ITIH6: variants seen among roughly 807,000 people sequenced by gnomAD.
The protein encoded by ITIH6 is inter-alpha-trypsin inhibitor heavy chain H6.
ITIH6 carries 60 observed loss-of-function variants against 58.2 expected under a neutral mutation model. That is an observed-to-expected ratio of 1.03 (90% CI 0.84 to 1.28). The LOEUF (loss-of-function observed/expected upper bound fraction) is 1.28. ITIH6 is among the 50% of genes most tolerant of loss of function. ITIH6 has a pLI of 0.00. For synonymous variants in ITIH6, 493 were observed against 417.4 expected (o/e 1.18, Z -2.21); for missense variants, 1,290 against 1,021.1 (o/e 1.26, Z -3.59).
intron 6 of ITIH6, among the ~76,000 whole-genome samples, chrX:54,767,389 C>G (rs1928818785): frequency 9.4e-6 from 1 of 106,623 alleles, no homozygotes; most frequent in Non-Finnish European, 1.9e-5. Flanking sequence ...TCTCTATTTC[C>G]TTCAGTTCTG....
At position 54,750,061 on chromosome X, in the gene ITIH6, C is replaced by T. The variant is rs769007442; in HGVS notation, c.3776G>A (p.Gly1259Glu). The change falls in exon 13 of 13, where the codon GGG (glycine) becomes GAG (glutamate). Residue 1259 changes from glycine (G) to glutamate (E), a missense_variant. Gly to Glu is a moderately conservative substitution (Grantham distance 98). Transcript: ENST00000218436. ...GCCATGGTGCCTTCGTAAGCATGGC[C>T]CCATAGGTCCTGTCACCAGTCGGAT... ...ADIRLVTGPM[G>E]PCLRRHHGPD... 5.8e-6 allele frequency: 7 copies of T among 1,210,627 alleles called. No homozygotes were observed. The highest frequency in any genetic ancestry group is 1.8e-5 in the South Asian group (1 of 56,831).
chrX:54,796,131 C>T (rs974854874), intron 2 of ITIH6, among the ~76,000 whole-genome samples: 35 of 111,560 alleles, frequency 3.1e-4, no homozygotes, highest in African/African-American at 1.1e-3. Flanking sequence ...TCATGAAGCT[C>T]TGGGATTACA....
At chrX:54,770,121 G>A (rs1251517510) in intron 6 of ITIH6, among the ~76,000 whole-genome samples, 2 of 112,357 alleles carry the variant, frequency 1.8e-5, no homozygotes, top group Non-Finnish European at 3.8e-5. Flanking sequence ...CGCAATATTC[G>A]GGTGGGAGTG....
intron 5 of ITIH6, among the ~76,000 whole-genome samples, chrX:54,776,845 C>T (rs1929062463): frequency 8.9e-6 from 1 of 111,900 alleles, no homozygotes; most frequent in Non-Finnish European, 1.9e-5. Flanking sequence ...GACTTGCTGG[C>T]TTTAGGTGAT....
intron 6 of ITIH6, among the ~76,000 whole-genome samples, chrX:54,770,993 T>G (rs1345121424): frequency 8.9e-6 from 1 of 111,758 alleles, no homozygotes; most frequent in Non-Finnish European, 1.9e-5. Flanking sequence ...GGCTGGTGGG[T>G]TTTTTCCTTT....
In ITIH6 at chrX:54,758,836, T is replaced by C; in HGVS notation, c.1238A>G (p.Asn413Ser). The change falls in exon 8 of 13, where the codon AAT (asparagine) becomes AGT (serine). Residue 413 changes from asparagine to serine, a missense_variant. By Grantham distance (46) the Asn-to-Ser change is conservative. Transcript: ENST00000218436. ...CCTGTGGCCTAGCGCCTGACGGACA[T>C]TGGAGAGGATCACACTGGGGGTCGT... ...GVTTPSVILS[N>S]VRQALGHRVS... 3.3e-6 allele frequency: 4 copies of C among 1,211,427 alleles called. No individual in the cohort carries two copies. Among genetic ancestry groups the C allele is most frequent in the Non-Finnish European group, 4.5e-6 (4 of 895,360 alleles).
chrX:54,774,050 G>C (rs772181872), intron 6 of ITIH6, 31 bp downstream of exon 6: 1 of 911,637 alleles, frequency 1.1e-6, no homozygotes, highest in Admixed American at 2.6e-5. Flanking sequence ...CTGATACTAG[G>C]ACTAAGAAAG....
At position 54,798,211 on chromosome X, in the gene ITIH6, G is replaced by A; in HGVS notation, c.-1C>T. On this transcript the variant is annotated 5_prime_UTR_variant, in exon 1 of 13. Coordinates refer to ENST00000218436, the MANE Select transcript of ITIH6 (RefSeq NM_198510.3). ...AGATGAGGTACCTCCACCCAGACAT[G>A]ATGCCACCTCTGGCCTGGATCTGTT... is the stretch of plus-strand genomic sequence containing the variant. The A allele has an allele frequency of 8.7e-7, 1 of 1,145,576 alleles. No individual in the cohort carries two copies. The highest frequency in any genetic ancestry group is 1.9e-5 in the South Asian group (1 of 51,678). 94.4% of individuals were successfully genotyped at this position (1,145,576 alleles called of 1,213,427 possible). A position where few individuals can be genotyped will look rare whatever the true frequency, so the allele number is the denominator to read the frequency against.
intron 11 of ITIH6, among the ~76,000 whole-genome samples, chrX:54,752,299 C>T (rs1887710381): frequency 8.9e-6 from 1 of 111,903 alleles, no homozygotes; most frequent in Admixed American, 9.5e-5. Flanking sequence ...AAAAGAGCCC[C>T]TATCAGAGCA....
intron 5 of ITIH6, 58 bp downstream of exon 5, chrX:54,788,422 G>A: frequency 1.9e-6 from 2 of 1,050,520 alleles, no homozygotes; most frequent in South Asian, 2.0e-5. Context: ...GAGGCCTAAT[G>A]CTCAGGCCTG....
Position 54,749,642 on chromosome X carries a change from G to T in ITIH6, c.*253C>A. 1 of 330,094 alleles carries T rather than the reference G, an allele frequency of 3.0e-6. No homozygotes were observed. The allele number at this position is 330,094 out of a possible 1,213,427, so 27.2% of individuals were successfully genotyped here. On this transcript the variant is annotated 3_prime_UTR_variant, in exon 13 of 13. Transcript: ENST00000218436. ...TTTACAAAAGTGGCTTGTAGGGCTG[G>T]TGAGGAGCATGGATTTGGAGAGGGT...
chrX:54,757,317 G>T lies in ITIH6; in HGVS notation c.2757C>A (p.Thr919=), dbSNP rs767051613. ...GGAGGGGTTCTCCAAGGACAGAGGT[G>T]GTTGTGGTACTGCTGGGACCTGTGG... ...SSSTGPSSTT[T]TSVLGEPLPM... Residue 919 remains threonine, a synonymous_variant, in exon 8 of 13, where the codon ACC becomes ACA. Transcript: ENST00000218436. 5.9e-6 allele frequency: 7 copies of T among 1,196,386 alleles called. No individual in the cohort carries two copies. The highest frequency in any genetic ancestry group is 1.8e-5 in the South Asian group (1 of 54,527).
At chrX:54,784,820 C>A (rs1189872080) in intron 5 of ITIH6, among the ~76,000 whole-genome samples, 1 of 111,672 alleles carries the variant, frequency 9.0e-6, no homozygotes, top group Non-Finnish European at 1.9e-5. Flanking sequence ...CTTCATCATA[C>A]AATCCGGCCA....
chrX:54,758,689 A>C lies in ITIH6; in HGVS notation c.1385T>G (p.Leu462Arg), dbSNP rs369932517. The C allele has an allele frequency of 1.5e-5, 18 of 1,210,064 alleles. No individual in the cohort carries two copies. In the African/African-American group the frequency reaches 3.0e-4, roughly 20 times the overall value. ...IYEDTDAALQ[L>R]KGLYEEISMP... is the part of the protein sequence containing the mutation. ...GGAGATCTCCTCATAGAGGCCCTTC[A>C]GCTGTAGGGCCGCATCAGTGTCCTC... Residue 462 changes from leucine (L) to arginine (R), a missense_variant, in exon 8 of 13, where the codon CTG (leucine) becomes CGG (arginine). Coordinates refer to ENST00000218436, the MANE Select transcript of ITIH6 (RefSeq NM_198510.3).
chrX:54,750,423 T>A (rs914173942), intron 12 of ITIH6, among the ~76,000 whole-genome samples: 1 of 110,956 alleles, frequency 9.0e-6, no homozygotes, highest in East Asian at 2.9e-4. Flanking sequence ...AAAATATCTG[T>A]TTAACCCACT....
chrX:54,794,213 G>A (rs749469912), intron 2 of ITIH6, among the ~76,000 whole-genome samples: 544 of 110,647 alleles, frequency 4.9e-3, no homozygotes, highest in Admixed American at 0.011. Context: ...GGGTAGGGTG[G>A]AGCTGGTCTG....
intron 2 of ITIH6, among the ~76,000 whole-genome samples, chrX:54,796,717 A>G (rs939921063): frequency 9.0e-6 from 1 of 110,842 alleles, no homozygotes; most frequent in East Asian, 2.8e-4. Context: ...AAAAAAAGAA[A>G]GTGGGTTCTA....
At chrX:54,771,729 C>T (rs751144184) in intron 6 of ITIH6, among the ~76,000 whole-genome samples, 6 of 110,714 alleles carry the variant, frequency 5.4e-5, no homozygotes, top group South Asian at 3.8e-4. Context: ...AACAAGCATA[C>T]GAAAAAAATG....
rs750717291 is a variant in ITIH6, at chrX:54,766,014, C to T, written c.904-6087G>A. ...GCCATTTTCACGATATTGATTCTTC[C>T]TACCCATGAGCATGGAATGTTCTTC... On this transcript the variant is annotated intron_variant, in intron 6 of 12. Coordinates refer to ENST00000218436, the MANE Select transcript of ITIH6 (RefSeq NM_198510.3). Among the ~76,000 whole-genome samples, 43 of 111,214 alleles carry T rather than the reference C, an allele frequency of 3.9e-4. No individual in the cohort carries two copies. The East Asian group carries it at 0.012, about 31-fold the overall frequency.
Sources: gnomAD v4.1 joint callset for allele counts (sites outside exome capture counted in the v4.1 genomes callset) on GRCh38, gnomAD v4.1.1 for gene constraint, MANE v1.5 for transcripts, NCBI Gene and HGNC (gene_info 2026-07-23, HGNC 2026-07-21) for gene names.